The following NOC3L variants were observed in gnomAD, a reference collection of about 807,000 sequenced individuals.
NOC3L encodes NOC3 like DNA replication regulator.
NOC3L carries 85 observed loss-of-function variants against 102.5 expected under a neutral mutation model. That is an observed-to-expected ratio of 0.83 (90% CI 0.70 to 0.99). The LOEUF (loss-of-function observed/expected upper bound fraction) is 0.99. NOC3L is among the 50% of genes least tolerant of loss of function. The probability of loss-of-function intolerance (pLI) is 0.00; values close to 1 mark genes in which losing one functional copy is unlikely to be tolerated. For synonymous variants in NOC3L, 303 were observed against 309.4 expected, an observed-to-expected ratio of 0.98 and a Z score of 0.22; for missense variants, 878 against 914.9, an observed-to-expected ratio of 0.96 and a Z score of 0.52.
At chr10:94,324,613 C>A in the NOC3L span, 1 of 1,425,100 alleles carries the variant, frequency 7.0e-7, no homozygotes, top group Non-Finnish European at 9.9e-7. Flanking sequence ...TATCTGATAC[C>A]CATAATTACA....
chr10:94,321,164 T>A, the NOC3L span, among the ~76,000 whole-genome samples: 1 of 152,240 alleles, frequency 6.6e-6, no homozygotes, highest in Non-Finnish European at 1.5e-5. Context: ...ACCCAACCTG[T>A]CAATTTCATG....
rs1249374494 is a variant in NOC3L at position 94,337,974 on chromosome 10, T to C, written c.2092-100A>G. 4.9e-6 allele frequency: 4 copies of C among 817,896 alleles called. No individual in the cohort carries two copies. In the African/African-American group the frequency reaches 5.1e-5, roughly 10 times the overall value. The allele number at this position is 817,896 out of a possible 1,614,324, so 50.7% of individuals were successfully genotyped here. ...TTCTTAAATAAAATTACACCAAATTTTTTTTCATCACCTATGTACAGTATA... is the reference window on the plus strand; with the variant it reads ...TTCTTAAATAAAATTACACCAAATTCTTTTTCATCACCTATGTACAGTATA... On this transcript the variant is annotated intron_variant, in intron 18 of 20. Coordinates refer to ENST00000371361, the MANE Select transcript of NOC3L (RefSeq NM_022451.11).
chr10:94,321,866 TATTA>T, the NOC3L span: 1 of 1,514,914 alleles, frequency 6.6e-7, no homozygotes. Context: ...TGCATAAACC[TATTA>T]TTTACTCACA....
At position 94,334,131 on chromosome 10, in the gene NOC3L, C is replaced by T. The variant is rs780356661; in HGVS notation, c.*46G>A. Reference sequence around the variant, plus strand: ...GTTAACAACTCATCTTTATGTACATCTGCACACACAAATATACAAGAAAGT... The same window carrying T: ...GTTAACAACTCATCTTTATGTACATTTGCACACACAAATATACAAGAAAGT... On this transcript the variant is annotated 3_prime_UTR_variant, in exon 21 of 21. Transcript: ENST00000371361. 1 of 851,280 alleles carries T rather than the reference C, an allele frequency of 1.2e-6. No homozygotes were observed. Among genetic ancestry groups the T allele is most frequent in the South Asian group, 1.5e-5 (1 of 67,024 alleles). The allele number at this position is 851,280 out of a possible 1,614,324, so 52.7% of individuals were successfully genotyped here. A position where few individuals can be genotyped will look rare whatever the true frequency, so the allele number is the denominator to read the frequency against.
chr10:94,340,509 AAGGG>A lies in NOC3L; in HGVS notation c.1645-17_1645-14del. The A allele has an allele frequency of 1.0e-6, 1 of 971,026 alleles. No homozygotes were observed. The highest frequency in any genetic ancestry group is 1.5e-6 in the Non-Finnish European group (1 of 649,758). 60.2% of individuals were successfully genotyped at this position (971,026 alleles called of 1,614,324 possible). A position where few individuals can be genotyped will look rare whatever the true frequency, so the allele number is the denominator to read the frequency against. On this transcript the variant is annotated splice_polypyrimidine_tract_variant and intron_variant, in intron 14 of 20. Transcript: ENST00000371361. ...GATAGCTTAGGTCCTTTAAAAAAAAAAGGGGGGGGTGAGGGGGATGGAATATTAA... is the reference window on the plus strand; with the variant it reads ...GATAGCTTAGGTCCTTTAAAAAAAAAGGGGGTGAGGGGGATGGAATATTAA...
the NOC3L span, among the ~76,000 whole-genome samples, chr10:94,323,109 A>G: frequency 1.4e-4 from 22 of 152,326 alleles, no homozygotes; most frequent in South Asian, 4.4e-3. Flanking sequence ...TCATGGTCCC[A>G]GAAATACCTA....
chr10:94,356,883 T>TA (rs1201470114), intron 4 of NOC3L, among the ~76,000 whole-genome samples: 2 of 152,160 alleles, frequency 1.3e-5, no homozygotes, highest in Non-Finnish European at 2.9e-5. Flanking sequence ...GAAGATACAT[T>TA]AAAAAAGAAA....
Position 94,352,926 on chromosome 10 carries a change from C to T in NOC3L, c.828G>A (p.Arg276=), listed in dbSNP as rs752134774. 6.2e-7 allele frequency: 1 copy of T among 1,613,222 alleles called. No homozygotes were observed. The highest frequency in any genetic ancestry group is 8.5e-7 in the Non-Finnish European group (1 of 1,179,558). The change falls in exon 7 of 21, where the codon CGG becomes CGA. Residue 276 remains arginine (R), a synonymous_variant. Transcript: ENST00000371361. ...TAGATTTTTCTGCTTCTGTGAGGGG[C>T]CGGATTTTATATGAAGGAGTAATAT... The part of the protein sequence containing the change: ...FKDITPSYKI[R]PLTEAEKSTK...
downstream of NOC3L, chr10:94,330,637 A>C (rs984051530): frequency 6.6e-6 from 1 of 150,770 alleles, no homozygotes; most frequent in Non-Finnish European, 1.5e-5. Context: ...GGTTGCAGTG[A>C]GTGGAGACTG....
At chr10:94,321,760 G>C in the NOC3L span, 2 of 653,436 alleles carry the variant, frequency 3.1e-6, no homozygotes, top group African/African-American at 3.6e-5. Flanking sequence ...AACAGTTTAT[G>C]AAATAATAAC....
downstream of NOC3L, chr10:94,332,160 C>A (rs1264422455): frequency 6.6e-6 from 1 of 152,334 alleles, no homozygotes; most frequent in East Asian, 1.9e-4. Flanking sequence ...TGAGCCACCA[C>A]ACCTGGCCTA....
chr10:94,348,403 G>A (rs1193981071), intron 10 of NOC3L, among the ~76,000 whole-genome samples: 2 of 151,906 alleles, frequency 1.3e-5, no homozygotes, highest in African/African-American at 4.8e-5. Flanking sequence ...ATGTAACAAA[G>A]AGTTAATATT....
rs187598921 is a variant in NOC3L at position 94,340,176 on chromosome 10, A to T, written c.1780+100T>A. The T allele has an allele frequency of 7.2e-5, 72 of 1,006,166 alleles. No individual in the cohort carries two copies. In the East Asian group the frequency reaches 1.7e-3, roughly 24 times the overall value. The allele number at this position is 1,006,166 out of a possible 1,614,324, so 62.3% of individuals were successfully genotyped here. A position where few individuals can be genotyped will look rare whatever the true frequency, so the allele number is the denominator to read the frequency against. ...CATGGCACTGGAAAGTCACCATTTTATGTACCTGTTCCTATTTCTCATTTG... is the reference window on the plus strand; with the variant it reads ...CATGGCACTGGAAAGTCACCATTTTTTGTACCTGTTCCTATTTCTCATTTG... On this transcript the variant is annotated intron_variant, in intron 16 of 20. Coordinates refer to ENST00000371361, the MANE Select transcript of NOC3L (RefSeq NM_022451.11).
At chr10:94,316,725 T>C in the NOC3L span, 3 of 1,613,978 alleles carry the variant, frequency 1.9e-6, no homozygotes, top group Non-Finnish European at 1.7e-6. Flanking sequence ...GAGGGATACA[T>C]GGGCAGGATT....
chr10:94,338,552 G>C, intron 18 of NOC3L, 56 bp downstream of exon 18: 1 of 1,414,140 alleles, frequency 7.1e-7, no homozygotes, highest in Admixed American at 2.5e-5. Flanking sequence ...AAGAAAAACT[G>C]GAAAACAATT....
chr10:94,360,957 G>A (rs1004712843), intron 2 of NOC3L, among the ~76,000 whole-genome samples: 1 of 151,962 alleles, frequency 6.6e-6, no homozygotes, highest in African/African-American at 2.4e-5. Context: ...GGCTGTAGTG[G>A]GCTATTTTTG....
At chr10:94,355,545 T>C (rs2054473190) in intron 5 of NOC3L, among the ~76,000 whole-genome samples, 1 of 151,896 alleles carries the variant, frequency 6.6e-6, no homozygotes, top group Admixed American at 6.6e-5. Context: ...TGAGCCACAA[T>C]ACCCAGCTAA....
chr10:94,351,167 T>C (rs2054411593), intron 8 of NOC3L, among the ~76,000 whole-genome samples: 2 of 152,246 alleles, frequency 1.3e-5, no homozygotes, highest in Admixed American at 1.3e-4. Flanking sequence ...GCCCTCTCAC[T>C]GGAAGAACAA....
intron 5 of NOC3L, among the ~76,000 whole-genome samples, chr10:94,355,391 CTTTTT>C (rs200203754): frequency 2.9e-5 from 4 of 139,622 alleles, no homozygotes; most frequent in Non-Finnish European, 6.3e-5. Flanking sequence ...GATTCTAGAA[CTTTTT>C]TTTTTTTTTT....
Sources: gnomAD v4.1 joint callset for allele counts (sites outside exome capture counted in the v4.1 genomes callset) on GRCh38, gnomAD v4.1.1 for gene constraint, MANE v1.5 for transcripts, NCBI Gene and HGNC (gene_info 2026-07-23, HGNC 2026-07-21) for gene names.